Variants in AIG1 observed in about 807,000 individuals in gnomAD.
AIG1 encodes the protein androgen-induced gene 1 protein.
A neutral mutation model predicts 31.4 loss-of-function variants in AIG1; 23 were observed. That is an observed-to-expected ratio of 0.73 (90% confidence interval 0.53 to 1.04). AIG1 has a LOEUF of 1.04. AIG1 is among the 50% of genes least tolerant of loss of function. The probability of loss-of-function intolerance (pLI) is 0.00; values close to 1 mark genes in which losing one functional copy is unlikely to be tolerated. For synonymous variants in AIG1, 100 were observed against 110.5 expected (o/e 0.90, Z 0.60); for missense variants, 274 against 295.0 (o/e 0.93, Z 0.52).
At chr6:143,305,390 C>T (rs1482805588) in intron 4 of AIG1, among the ~76,000 whole-genome samples, 1 of 152,006 alleles carries the variant, frequency 6.6e-6, no homozygotes, top group African/African-American at 2.4e-5. Context: ...CTACACACTG[C>T]TTTGAATGTG....
At chr6:143,314,275 A>T (rs1040059916) in intron 4 of AIG1, among the ~76,000 whole-genome samples, 1 of 150,278 alleles carries the variant, frequency 6.7e-6, no homozygotes, top group Admixed American at 6.7e-5. Context: ...CTGAGGCAGG[A>T]GGATCACTTG....
chr6:143,060,668 G>A (rs758239967), upstream of AIG1: 2 of 454,718 alleles, frequency 4.4e-6, no homozygotes, highest in South Asian at 3.2e-5. Context: ...CGAAAGAGAT[G>A]ACGACACGCC....
intron 1 of AIG1, among the ~76,000 whole-genome samples, chr6:143,128,756 TTTG>T (rs1255022868): frequency 6.6e-6 from 1 of 152,230 alleles, no homozygotes; most frequent in Non-Finnish European, 1.5e-5. Flanking sequence ...TGTAATGGGA[TTTG>T]TTAACTGTCA....
chr6:143,287,134 C>T (rs1016099138), intron 4 of AIG1, among the ~76,000 whole-genome samples: 6 of 151,956 alleles, frequency 3.9e-5, no homozygotes, highest in Admixed American at 6.6e-5. Context: ...ATCAACCCTC[C>T]CACACACACA....
At chr6:143,128,788 T>C (rs1583267339) in intron 1 of AIG1, among the ~76,000 whole-genome samples, 1 of 152,222 alleles carries the variant, frequency 6.6e-6, no homozygotes, top group South Asian at 2.1e-4. Context: ...CAAACTCTTA[T>C]AAACTGACAG....
intron 3 of AIG1, among the ~76,000 whole-genome samples, chr6:143,247,140 T>C (rs1225024721): frequency 3.0e-5 from 1 of 33,892 alleles, no homozygotes; most frequent in Non-Finnish European, 4.7e-5. Context: ...GTGTCCAAGA[T>C]TTTTTTTTTT....
At chr6:143,139,413 C>T (rs1049597718) in intron 2 of AIG1, among the ~76,000 whole-genome samples, 1 of 152,034 alleles carries the variant, frequency 6.6e-6, no homozygotes, top group Admixed American at 6.6e-5. Context: ...CCAGGGCCTC[C>T]CGTGTCACCC....
intron 3 of AIG1, among the ~76,000 whole-genome samples, chr6:143,233,527 T>C (rs1315035747): frequency 2.1e-5 from 3 of 143,492 alleles, no homozygotes; most frequent in East Asian, 2.1e-4. Context: ...CAAACCAGAG[T>C]AGGTTCAGAG....
Position 143,333,967 on chromosome 6 carries a change from G to A in AIG1, c.679+522G>A, listed in dbSNP as rs114444482. On this transcript the variant is annotated intron_variant, in intron 5 of 5. Transcript: ENST00000357847. The surrounding 1 kb of genome is among the most constrained non-coding windows in gnomAD (Gnocchi z 4.6). ...ACCTTGACTCACCAGTGGCTGTCAC[G>A]GAAAGTCTGAAAGTGGCAAAGAGCT... 1.1e-3 allele frequency: 1,328 copies of A among 1,199,566 alleles called. 10 individuals carry two copies. The African/African-American group carries it at 0.018, about 16-fold the overall frequency. The allele number at this position is 1,199,566 out of a possible 1,614,324, so 74.3% of individuals were successfully genotyped here. A position where few individuals can be genotyped will look rare whatever the true frequency, so the allele number is the denominator to read the frequency against.
chr6:143,078,494 A>C (rs891060672), intron 1 of AIG1, among the ~76,000 whole-genome samples: 5 of 152,210 alleles, frequency 3.3e-5, no homozygotes, highest in African/African-American at 1.2e-4. Flanking sequence ...GCTGATAAAG[A>C]CATATTCGAG....
chr6:143,090,485 T>C (rs1363400433), intron 1 of AIG1, among the ~76,000 whole-genome samples: 2 of 152,224 alleles, frequency 1.3e-5, no homozygotes, highest in Non-Finnish European at 2.9e-5. Context: ...TGTTTTCCAA[T>C]ATAGGCATAC....
chr6:143,258,391 C>A lies in AIG1; in HGVS notation c.400-25719C>A, dbSNP rs529938045. ...AATTGTTTGTACTGATTCAGCAATGCTGATTGTATGTGATTCCAATGCAAA... is the reference window on the plus strand; with the variant it reads ...AATTGTTTGTACTGATTCAGCAATGATGATTGTATGTGATTCCAATGCAAA... On this transcript the variant is annotated intron_variant, in intron 3 of 5. Coordinates refer to ENST00000357847, the MANE Select transcript of AIG1 (RefSeq NM_016108.4). The surrounding 1 kb of genome is among the most constrained non-coding windows in gnomAD (Gnocchi z 4.7). Among the ~76,000 whole-genome samples the A allele has an allele frequency of 7.6e-4, 115 of 152,242 alleles. No individual in the cohort carries two copies. Among genetic ancestry groups the A allele is most frequent in the Non-Finnish European group, 1.2e-3 (85 of 68,040 alleles).
At chr6:143,151,146 T>G (rs1379981331) in intron 2 of AIG1, among the ~76,000 whole-genome samples, 1 of 152,084 alleles carries the variant, frequency 6.6e-6, no homozygotes, top group Non-Finnish European at 1.5e-5. Context: ...ATAGGAAAAT[T>G]TTAAAGGCAA....
chr6:143,278,079 A>C (rs1429978322), intron 3 of AIG1, among the ~76,000 whole-genome samples: 2 of 152,230 alleles, frequency 1.3e-5, no homozygotes, highest in East Asian at 3.8e-4. Flanking sequence ...AAATAGTCCA[A>C]AATTTTCCCC....
chr6:143,336,230 A>G (rs1397840073), intron 5 of AIG1, among the ~76,000 whole-genome samples: 4 of 152,150 alleles, frequency 2.6e-5, no homozygotes, highest in Non-Finnish European at 4.4e-5. Flanking sequence ...TTTTTCCATA[A>G]TGGTTTTTAA....
At position 143,280,585 on chromosome 6, in the gene AIG1, G is replaced by A. The variant is rs1797277945; in HGVS notation, c.400-3525G>A. ...CGTCTTTTGCAGGAGCATGGATGGA[G>A]ATGGAGGCTGTAATCCTTAGCAAAC... On this transcript the variant is annotated intron_variant, in intron 3 of 5. Transcript: ENST00000357847. This position sits in a 1 kb window ranked among gnomAD's most constrained non-coding sequence, Gnocchi z 4.1. Among the ~76,000 whole-genome samples the A allele has an allele frequency of 1.3e-5, 2 of 152,218 alleles. No homozygotes were observed. Among genetic ancestry groups the A allele is most frequent in the South Asian group, 4.1e-4 (2 of 4,832 alleles).
In AIG1 at chr6:143,181,127, G is replaced by C. The variant is rs188104181; in HGVS notation, c.399+15944G>C. Among the ~76,000 whole-genome samples, 20 of 152,150 alleles carry C rather than the reference G, an allele frequency of 1.3e-4. No homozygotes were observed. The East Asian group carries it at 3.9e-3, about 29-fold the overall frequency. On this transcript the variant is annotated intron_variant, in intron 3 of 5. Coordinates refer to ENST00000357847, the MANE Select transcript of AIG1 (RefSeq NM_016108.4). ...GATATTAGATATTTCATAAAAATAA[G>C]CTATTGGTTGAAAGAAGAATATCTT...
intron 2 of AIG1, among the ~76,000 whole-genome samples, chr6:143,137,223 T>C (rs1302787747): frequency 6.6e-6 from 1 of 152,176 alleles, no homozygotes; most frequent in Non-Finnish European, 1.5e-5. Flanking sequence ...GAGGCCTCTC[T>C]CCCCTTGGCT....
intron 3 of AIG1, among the ~76,000 whole-genome samples, chr6:143,191,907 G>A (rs1296238509): frequency 1.5e-5 from 2 of 137,456 alleles, no homozygotes; most frequent in Non-Finnish European, 3.3e-5. Flanking sequence ...CTGGAAACAT[G>A]TTTCCCCACG....
Sources: allele counts gnomAD v4.1 joint callset (sites outside exome capture counted in the v4.1 genomes callset), GRCh38; gene constraint gnomAD v4.1.1; non-coding constraint Gnocchi (gnomAD v3.1); transcripts MANE v1.5; gene names NCBI Gene and HGNC (gene_info 2026-07-23, HGNC 2026-07-21).